Variants in PI4K2B observed in about 807,000 individuals in gnomAD.
PI4K2B encodes the protein phosphatidylinositol 4-kinase type 2-beta.
In PI4K2B, 46 loss-of-function variants were observed where a neutral mutation model predicts 56.6. The ratio of observed to expected loss-of-function variants is 0.81; its 90% CI spans 0.64 to 1.04. PI4K2B has a LOEUF of 1.04. Among genes scored for constraint, PI4K2B ranks in the 50% least tolerant of loss-of-function variants. The probability of loss-of-function intolerance (pLI) is 0.00; values close to 1 mark genes in which losing one functional copy is unlikely to be tolerated. For synonymous variants in PI4K2B, 211 were observed against 223.8 expected, an observed-to-expected ratio of 0.94 and a Z score of 0.51; for missense variants, 556 against 607.7, an observed-to-expected ratio of 0.91 and a Z score of 0.89.
rs1577670081 is a variant in PI4K2B at position 25,234,238 on chromosome 4, G to A, written c.75G>A (p.Glu25=). ...GCCCGGAGGAGGAGGAGGATGGGGAGCGGGAGCCGCTGCTACCGCGGATCG... is the reference window on the plus strand; with the variant it reads ...GCCCGGAGGAGGAGGAGGATGGGGAACGGGAGCCGCTGCTACCGCGGATCG... The part of the protein sequence containing the change: ...GGSPEEEEDG[E]REPLLPRIAW... The change falls in exon 1 of 10, where the codon GAG becomes GAA. Residue 25 remains glutamate (E), a synonymous_variant. Coordinates refer to ENST00000264864, the MANE Select transcript of PI4K2B (RefSeq NM_018323.4). 7.0e-7 allele frequency: 1 copy of A among 1,428,556 alleles called. No individual in the cohort carries two copies. The highest frequency in any genetic ancestry group is 9.2e-7 in the Non-Finnish European group (1 of 1,090,438). 88.5% of individuals were successfully genotyped at this position (1,428,556 alleles called of 1,614,324 possible).
intron 9 of PI4K2B, among the ~76,000 whole-genome samples, chr4:25,274,111 G>A (rs2109026854): frequency 6.6e-6 from 1 of 152,238 alleles, no homozygotes; most frequent in African/African-American, 2.4e-5. Flanking sequence ...CAGAAATTTG[G>A]TTTTTAAATC....
intron 1 of PI4K2B, among the ~76,000 whole-genome samples, chr4:25,243,351 A>G (rs1412362916): frequency 6.6e-6 from 1 of 152,172 alleles, no homozygotes; most frequent in East Asian, 1.9e-4. Context: ...TTCTCATTGG[A>G]CAATCTTTTT....
intron 9 of PI4K2B, among the ~76,000 whole-genome samples, chr4:25,272,343 T>G (rs909685173): frequency 1.3e-5 from 2 of 152,172 alleles, no homozygotes; most frequent in African/African-American, 2.4e-5. Flanking sequence ...GAGAAAGAAA[T>G]AAAATGATGA....
At chr4:25,263,602 T>A in intron 6 of PI4K2B, 148 bp from the exon 7 acceptor site, 4 of 436,848 alleles carry the variant, frequency 9.2e-6, no homozygotes, top group Non-Finnish European at 1.6e-5. Flanking sequence ...CATTCCTGTG[T>A]GAATTTGTAC....
chr4:25,256,172 C>A (rs1415868505), intron 3 of PI4K2B, among the ~76,000 whole-genome samples: 1 of 152,206 alleles, frequency 6.6e-6, no homozygotes, highest in Non-Finnish European at 1.5e-5. Context: ...CCTGCCACAG[C>A]CCCCCAGAGT....
intron 1 of PI4K2B, among the ~76,000 whole-genome samples, chr4:25,249,610 C>T (rs1255071264): frequency 6.6e-6 from 1 of 151,460 alleles, no homozygotes; most frequent in Non-Finnish European, 1.5e-5. Context: ...AGGGGCTCCT[C>T]ACTTCTCAGA....
chr4:25,244,775 C>G (rs962892079), intron 1 of PI4K2B, among the ~76,000 whole-genome samples: 13 of 151,656 alleles, frequency 8.6e-5, no homozygotes, highest in Non-Finnish European at 1.8e-4. Flanking sequence ...GTTGCGCTCA[C>G]TGACGCAGCA....
intron 9 of PI4K2B, among the ~76,000 whole-genome samples, chr4:25,271,242 G>C (rs1716878304): frequency 6.6e-6 from 1 of 152,194 alleles, no homozygotes; most frequent in Non-Finnish European, 1.5e-5. Flanking sequence ...GATTCCACAA[G>C]GAAAGGATTG....
chr4:25,235,236 T>C (rs1000031805), intron 1 of PI4K2B, among the ~76,000 whole-genome samples: 2 of 152,212 alleles, frequency 1.3e-5, no homozygotes, highest in African/African-American at 4.8e-5. Flanking sequence ...CAGACTTGTT[T>C]GTAAAAAGGC....
At chr4:25,261,965 G>A (rs1716496191) in intron 6 of PI4K2B, among the ~76,000 whole-genome samples, 2 of 152,142 alleles carry the variant, frequency 1.3e-5, no homozygotes, top group Non-Finnish European at 2.9e-5. Context: ...AGTTGTAGCA[G>A]AAATGGGCTT....
chr4:25,258,212 C>CTTTTTT (rs1716322751), intron 4 of PI4K2B, among the ~76,000 whole-genome samples: 2 of 71,696 alleles, frequency 2.8e-5, no homozygotes, highest in African/African-American at 7.7e-5. Flanking sequence ...AGGAATCTGT[C>CTTTTTT]CTTTTTTTTT....
At chr4:25,236,282 GC>G (rs1715260471) in intron 1 of PI4K2B, among the ~76,000 whole-genome samples, 1 of 151,092 alleles carries the variant, frequency 6.6e-6, no homozygotes, top group African/African-American at 2.4e-5. Context: ...GGGTGCCATG[GC>G]TCATGCCTGT....
chr4:25,249,379 C>T (rs565572884), intron 1 of PI4K2B, among the ~76,000 whole-genome samples: 27 of 113,628 alleles, frequency 2.4e-4, no homozygotes, highest in African/African-American at 4.3e-4. Context: ...ACTTCCCAGA[C>T]GGGGTGGCCG....
At position 25,255,137 on chromosome 4, in the gene PI4K2B, G is replaced by A. The variant is rs754808246; in HGVS notation, c.496G>A (p.Val166Ile). 2 of 1,614,036 alleles carry A rather than the reference G, an allele frequency of 1.2e-6. No individual in the cohort carries two copies. ...GQLNPKWTKY[V>I]HKVCCPCCFG... Reference sequence around the variant, plus strand: ...ACTCAATCCAAAATGGACCAAATATGTCCATAAGGTCTGCTGCCCTTGCTG... The same window carrying A: ...ACTCAATCCAAAATGGACCAAATATATCCATAAGGTCTGCTGCCCTTGCTG... The change falls in exon 3 of 10, where the codon GTC (valine) becomes ATC (isoleucine). Residue 166 changes from valine to isoleucine, a missense_variant. Transcript: ENST00000264864.
exon 10 of PI4K2B, chr4:25,279,202 C>CTTTTTTTTT (rs11346220): frequency 1.0e-5 from 1 of 97,984 alleles, no homozygotes. Flanking sequence ...TAGTTTAATT[C>CTTTTTTTTT]TTTTTTTTTT....
At chr4:25,253,763 C>T (rs951807004) in intron 2 of PI4K2B, among the ~76,000 whole-genome samples, 5 of 152,054 alleles carry the variant, frequency 3.3e-5, no homozygotes, top group Non-Finnish European at 5.9e-5. Context: ...TTTTTTAATA[C>T]GAGAGAATTT....
chr4:25,239,227 C>T lies in PI4K2B; in HGVS notation c.268+4796C>T, dbSNP rs531190650. Among the ~76,000 whole-genome samples the T allele has an allele frequency of 3.5e-4, 53 of 152,338 alleles. No individual in the cohort carries two copies. In the East Asian group the frequency reaches 8.5e-3, roughly 24 times the overall value. On this transcript the variant is annotated intron_variant, in intron 1 of 9. Transcript: ENST00000264864. The stretch of plus-strand genomic sequence containing the variant: ...CACAGGTGGAGCTGCCTGCCAGTCC[C>T]GTGCCTTGCGCCCACACTCCTCAGC...
rs1019767055 is a variant in PI4K2B at position 25,234,313 on chromosome 4, G to A, written c.150G>A (p.Leu50=). Residue 50 remains leucine (L), a synonymous_variant, in exon 1 of 10, where the codon CTG becomes CTA. Transcript: ENST00000264864. ...CCCCAGGCAGCGCCGTGAGGCTGCTGGACGCTGCCGGGGAGGAGGGCGAGG... is the reference window on the plus strand; with the variant it reads ...CCCCAGGCAGCGCCGTGAGGCTGCTAGACGCTGCCGGGGAGGAGGGCGAGG... ...RGAPGSAVRL[L]DAAGEEGEAG... 2.5e-5 allele frequency: 35 copies of A among 1,417,978 alleles called. No individual in the cohort carries two copies. The highest frequency in any genetic ancestry group is 3.2e-5 in the Non-Finnish European group (35 of 1,083,544). The allele number at this position is 1,417,978 out of a possible 1,614,324, so 87.8% of individuals were successfully genotyped here.
At chr4:25,239,432 G>GCAAGTGCCACATGCAACCCCAGTT (rs370341746) in intron 1 of PI4K2B, among the ~76,000 whole-genome samples, 21 of 116,744 alleles carry the variant, frequency 1.8e-4, no homozygotes, top group South Asian at 7.5e-4. Context: ...CACGGTGCCG[G>GCAAGTGCCACATGCAACCCCAGTT]CCCAGGGGGA....
Sources: allele counts gnomAD v4.1 joint callset (sites outside exome capture counted in the v4.1 genomes callset), GRCh38; gene constraint gnomAD v4.1.1; transcripts MANE v1.5; gene names NCBI Gene and HGNC (gene_info 2026-07-23, HGNC 2026-07-21).